The following BCAR1 variants were observed in gnomAD, a reference collection of about 807,000 sequenced individuals.
BCAR1 encodes breast cancer anti-estrogen resistance protein 1.
BCAR1 carries 30 observed loss-of-function variants against 67.6 expected under a neutral mutation model. That is an observed-to-expected ratio of 0.44 (90% CI 0.33 to 0.60). BCAR1 has a LOEUF of 0.60. Among genes scored for constraint, BCAR1 ranks in the 20% least tolerant of loss-of-function variants. The pLI, the probability that BCAR1 is intolerant of heterozygous loss-of-function variation, is 0.02. For synonymous variants in BCAR1, 626 were observed against 556.7 expected, an observed-to-expected ratio of 1.12 and a Z score of -1.75; for missense variants, 1,313 against 1,222.3, an observed-to-expected ratio of 1.07 and a Z score of -1.11.
rs372118936 is a variant in BCAR1, at chr16:75,237,019, G to C, written c.796-21C>G. The C allele has an allele frequency of 1.7e-5, 26 of 1,568,174 alleles. No individual in the cohort carries two copies. In the Middle Eastern group the frequency reaches 6.8e-4, roughly 41 times the overall value. On this transcript the variant is annotated intron_variant, in intron 3 of 6. Transcript: ENST00000162330. ...TACACCTGGGGCAGAAACAGTGCAG[G>C]GTTAACGGCGCCAGGGCCACTTGGG...
upstream of BCAR1, among the ~76,000 whole-genome samples, chr16:75,254,423 G>A (rs1009599261): frequency 6.6e-6 from 1 of 152,224 alleles, no homozygotes; most frequent in Admixed American, 6.5e-5. Context: ...GAGAAGGGGT[G>A]CAGTAAACAT....
At chr16:75,264,667 C>A in intron 1 of BCAR1, 1 of 1,252,020 alleles carries the variant, frequency 8.0e-7, no homozygotes. Flanking sequence ...AATAACAATG[C>A]TTTGCACTTG....
chr16:75,229,542 C>A lies in BCAR1; in HGVS notation c.2582G>T (p.Arg861Leu). ...KELGHSTQQF[R>L]RVLGQLAAA The stretch of plus-strand genomic sequence containing the variant: ...GGCTGCCAGCTGGCCTAGGACGCGG[C>A]GGAACTGCTGGGTGCTGTGGCCCAG... Residue 861 changes from arginine to leucine, a missense_variant, in exon 7 of 7, where the codon CGC (arginine) becomes CTC (leucine). Physicochemically the swap from Arg to Leu is moderately radical, Grantham distance 102. This residue lies in a region of BCAR1 where 1,272 missense variants were observed against 1,137.5 expected (regional missense o/e 1.12). Transcript: ENST00000162330. 1 of 1,597,678 alleles carries A rather than the reference C, an allele frequency of 6.3e-7. No homozygotes were observed. Among genetic ancestry groups the A allele is most frequent in the African/African-American group, 1.3e-5 (1 of 74,826 alleles).
intron 6 of BCAR1, among the ~76,000 whole-genome samples, chr16:75,231,057 T>C (rs2076883585): frequency 6.6e-6 from 1 of 151,708 alleles, no homozygotes; most frequent in African/African-American, 2.4e-5. Flanking sequence ...ACTATTTTTA[T>C]TTTTATAAAG....
chr16:75,233,691 G>T (rs1278537064), intron 6 of BCAR1, among the ~76,000 whole-genome samples, 155 bp downstream of exon 6: 1 of 152,164 alleles, frequency 6.6e-6, no homozygotes, highest in Non-Finnish European at 1.5e-5. Flanking sequence ...GATGAAGATG[G>T]TCAGGAGGCA....
chr16:75,258,907 T>G (rs2077836908), intron 1 of BCAR1, among the ~76,000 whole-genome samples: 2 of 152,136 alleles, frequency 1.3e-5, no homozygotes, highest in South Asian at 4.2e-4. Context: ...GAGGGGTGCC[T>G]TGGCAGATGG....
chr16:75,255,438 C>A (rs2077752347), upstream of BCAR1, among the ~76,000 whole-genome samples: 1 of 152,208 alleles, frequency 6.6e-6, no homozygotes, highest in Admixed American at 6.5e-5. Context: ...AGCTCAAAAC[C>A]AAGGCAAGGC....
intron 4 of BCAR1, chr16:75,236,586 C>G: frequency 2.1e-6 from 1 of 481,400 alleles, no homozygotes; most frequent in Non-Finnish European, 3.5e-6. Flanking sequence ...ACTAGTCCCC[C>G]CTTCACTCTT....
chr16:75,230,045 A>C, intron 6 of BCAR1, 22 bp from the exon 7 acceptor site: 1 of 1,522,652 alleles, frequency 6.6e-7, no homozygotes, highest in Non-Finnish European at 8.8e-7. Flanking sequence ...GGGAAGCAGG[A>C]GCAGGGTTAG....
rs2151462785 is a variant in BCAR1, at chr16:75,251,496, C to A, written c.-14G>T. The A allele has an allele frequency of 3.7e-6, 5 of 1,365,938 alleles. No homozygotes were observed. The highest frequency in any genetic ancestry group is 6.3e-5 in the East Asian group (2 of 31,644). The allele number at this position is 1,365,938 out of a possible 1,614,324, so 84.6% of individuals were successfully genotyped here. A position where few individuals can be genotyped will look rare whatever the true frequency, so the allele number is the denominator to read the frequency against. ...CAGGTGGTTCATGGTGTCCGGCGGG[C>A]CTGGGGCCCCGGCTCTCGCGGGGGC... On this transcript the variant is annotated 5_prime_UTR_variant, in exon 1 of 7. Transcript: ENST00000162330.
At chr16:75,260,835 G>A (rs957033684) in intron 1 of BCAR1, among the ~76,000 whole-genome samples, 4 of 152,146 alleles carry the variant, frequency 2.6e-5, no homozygotes, top group African/African-American at 9.7e-5. Flanking sequence ...GACCATCAGG[G>A]AGCTTCAAGT....
rs114963711 is a variant in BCAR1, at chr16:75,244,754, G to C, written c.13-1664C>G. Among the ~76,000 whole-genome samples, 232 of 152,312 alleles carry C rather than the reference G, an allele frequency of 1.5e-3. 1 individual carries two copies. The highest frequency in any genetic ancestry group is 5.5e-3 in the African/African-American group (227 of 41,560). ...AGCTAGGAGAGGGCAGGCCCAGGTG[G>C]AGTCATATTGGAGCCAAGGTGAGCA... is the stretch of plus-strand genomic sequence containing the variant. On this transcript the variant is annotated intron_variant, in intron 1 of 6. Transcript: ENST00000162330.
intron 4 of BCAR1, 73 bp from the exon 5 acceptor site, chr16:75,236,059 G>C: frequency 2.1e-6 from 3 of 1,443,362 alleles, no homozygotes; most frequent in Non-Finnish European, 2.7e-6. Context: ...GCAGCACCCA[G>C]CCACACACAC....
chr16:75,235,885 G>A lies in BCAR1; in HGVS notation c.1014C>T (p.Pro338=), dbSNP rs990223239. 1 of 1,563,868 alleles carries A rather than the reference G, an allele frequency of 6.4e-7. No individual in the cohort carries two copies. Among genetic ancestry groups the A allele is most frequent in the African/African-American group, 1.4e-5 (1 of 74,004 alleles). Residue 338 remains proline (P), a synonymous_variant, in exon 5 of 7, where the codon CCC becomes CCT. Transcript: ENST00000162330. ...CCAGTGGGGTGCGGGCCGGGTCAAA[G>A]GGCTTGGCCTTGGCGAAGGCGGGGG... ...DVPPAFAKAK[P]FDPARTPLVL...
At chr16:75,238,689 C>A (rs1405079275) in intron 2 of BCAR1, 1 of 985,678 alleles carries the variant, frequency 1.0e-6, no homozygotes, top group African/African-American at 1.7e-5. Flanking sequence ...TCCCCGCCCC[C>A]TTCCAGTGCG....
chr16:75,230,044 G>A (rs201096823), intron 6 of BCAR1, 21 bp from the exon 7 acceptor site: 1 of 1,523,066 alleles, frequency 6.6e-7, no homozygotes, highest in East Asian at 2.3e-5. Context: ...AGGGAAGCAG[G>A]AGCAGGGTTA....
chr16:75,235,193 G>C lies in BCAR1; in HGVS notation c.1706C>G (p.Ser569Cys), dbSNP rs138192958. The C allele has an allele frequency of 6.2e-7, 1 of 1,608,398 alleles. No homozygotes were observed. The highest frequency in any genetic ancestry group is 1.3e-5 in the African/African-American group (1 of 74,900). ...GQALDAGRGG[S>C]GATLEDLDRL... ...GTCCAGGTCCTCAAGGGTGGCTCCAGAGCCTCCCCGGCCAGCGTCGAGGGC... is the reference window on the plus strand; with the variant it reads ...GTCCAGGTCCTCAAGGGTGGCTCCACAGCCTCCCCGGCCAGCGTCGAGGGC... The change falls in exon 5 of 7, where the codon TCT (serine) becomes TGT (cysteine). Residue 569 changes from serine to cysteine, a missense_variant. This residue lies in a region of BCAR1 where 1,272 missense variants were observed against 1,137.5 expected (regional missense o/e 1.12). Coordinates refer to ENST00000162330, the MANE Select transcript of BCAR1 (RefSeq NM_014567.5).
chr16:75,248,326 T>C (rs1345160406), intron 1 of BCAR1: 90 of 1,358,686 alleles, frequency 6.6e-5, no homozygotes, highest in Non-Finnish European at 8.0e-5. Flanking sequence ...TGGGAAACAC[T>C]GACTTCTTTC....
chr16:75,247,995 T>C, intron 1 of BCAR1: 1 of 1,037,146 alleles, frequency 9.6e-7, no homozygotes, highest in Non-Finnish European at 1.5e-6. Flanking sequence ...GGCAGAGCTC[T>C]TTCCCACACA....
Sources: gnomAD v4.1 joint callset for allele counts (sites outside exome capture counted in the v4.1 genomes callset) on GRCh38, gnomAD v4.1.1 for gene constraint, gnomAD v4.1.1 regional missense constraint, MANE v1.5 for transcripts, NCBI Gene and HGNC (gene_info 2026-07-23, HGNC 2026-07-21) for gene names.